The following NKAIN3 variants were observed in gnomAD, a reference collection of about 807,000 sequenced individuals.
NKAIN3 encodes sodium/potassium-transporting ATPase subunit beta-1-interacting protein 3.
A neutral mutation model predicts 30.2 loss-of-function variants in NKAIN3; 25 were observed. The observed-to-expected ratio is 0.83, with a 90% CI of 0.60 to 1.16. The LOEUF is 1.16. Among genes scored for constraint, NKAIN3 ranks in the 50% most tolerant of loss-of-function variants. NKAIN3 has a pLI of 0.00. For synonymous variants in NKAIN3, 91 were observed against 89.6 expected (o/e 1.02, Z -0.09); for missense variants, 225 against 254.1 (o/e 0.89, Z 0.78).
chr8:62,814,357 A>T (rs1818599883), intron 4 of NKAIN3, among the ~76,000 whole-genome samples: 2 of 151,822 alleles, frequency 1.3e-5, no homozygotes, highest in Non-Finnish European at 2.9e-5. Context: ...CTTTTTAAAC[A>T]TTAACAATTT....
chr8:62,993,057 T>C (rs1355185455), intron 5 of NKAIN3, among the ~76,000 whole-genome samples: 1 of 101,164 alleles, frequency 9.9e-6, no homozygotes, highest in Admixed American at 1.1e-4. Flanking sequence ...GTTTTGTTTT[T>C]TTGCCTCTAG....
At chr8:62,534,861 G>GTT (rs56262159) in intron 1 of NKAIN3, among the ~76,000 whole-genome samples, 6 of 148,544 alleles carry the variant, frequency 4.0e-5, no homozygotes, top group East Asian at 2.0e-4. Flanking sequence ...GCATTTATTG[G>GTT]TTTTTTTTTT....
At chr8:62,856,223 A>G (rs1820055362) in intron 4 of NKAIN3, 4 of 837,908 alleles carry the variant, frequency 4.8e-6, no homozygotes, top group South Asian at 4.0e-5. Context: ...CTTGGTTTTC[A>G]CTGGTTCATT....
At chr8:62,651,132 T>C (rs1812608861) in intron 3 of NKAIN3, among the ~76,000 whole-genome samples, 1 of 152,044 alleles carries the variant, frequency 6.6e-6, no homozygotes, top group South Asian at 2.1e-4. Context: ...AAAAAACTTC[T>C]TCGAAAAGAT....
intron 1 of NKAIN3, among the ~76,000 whole-genome samples, chr8:62,324,415 T>C (rs1056569103): frequency 4.6e-5 from 7 of 152,164 alleles, no homozygotes; most frequent in Admixed American, 3.3e-4. Flanking sequence ...ATAAAATCAT[T>C]TTATTACATA....
At chr8:62,390,577 G>A (rs55856936) in intron 1 of NKAIN3, among the ~76,000 whole-genome samples, 5,111 of 152,224 alleles carry the variant, frequency 0.034, 328 homozygotes, top group African/African-American at 0.12. Flanking sequence ...GGATTGCTGG[G>A]TTGAATGGTG....
intron 3 of NKAIN3, among the ~76,000 whole-genome samples, chr8:62,694,457 A>G (rs1814090371): frequency 6.6e-6 from 1 of 152,236 alleles, no homozygotes; most frequent in African/African-American, 2.4e-5. Flanking sequence ...CATTCATAGA[A>G]GACAAATACC....
intron 1 of NKAIN3, among the ~76,000 whole-genome samples, chr8:62,418,049 C>T (rs1168837193): frequency 1.3e-5 from 2 of 152,176 alleles, no homozygotes; most frequent in Non-Finnish European, 2.9e-5. Flanking sequence ...AAGTGCTTCA[C>T]ACCTCACTCA....
intron 4 of NKAIN3, among the ~76,000 whole-genome samples, chr8:62,890,546 C>G (rs1365696032): frequency 6.6e-6 from 1 of 152,186 alleles, no homozygotes; most frequent in Non-Finnish European, 1.5e-5. Flanking sequence ...ACTTTATTTT[C>G]CTCTGTGCTC....
chr8:62,953,981 A>G lies in NKAIN3; in HGVS notation c.603+9A>G. ...TAAAGCCTGTTAAACCAGTAAGTAA[A>G]GGTGTGATGATATGGAAAATATTAA... On this transcript the variant is annotated intron_variant, in intron 6 of 6. Coordinates refer to ENST00000623646, the MANE Select transcript of NKAIN3 (RefSeq NM_001304533.3). The G allele has an allele frequency of 1.1e-6, 1 of 945,340 alleles. No homozygotes were observed. The highest frequency in any genetic ancestry group is 1.3e-6 in the Non-Finnish European group (1 of 792,974). The allele number at this position is 945,340 out of a possible 1,614,324, so 58.6% of individuals were successfully genotyped here.
chr8:62,895,115 A>G (rs1465929459), intron 4 of NKAIN3, among the ~76,000 whole-genome samples: 3 of 152,240 alleles, frequency 2.0e-5, no homozygotes, highest in Admixed American at 2.0e-4. Flanking sequence ...GGAAGAAGGG[A>G]TATTGAATAG....
Position 62,595,044 on chromosome 8 carries a change from T to A in NKAIN3, c.273+5250T>A, listed in dbSNP as rs74565422. ...CCAGTTTATTCTCATTCTGCTGTGTTTCCATGGTTTTTCTCTCCTGTTTTT... is the reference window on the plus strand; with the variant it reads ...CCAGTTTATTCTCATTCTGCTGTGTATCCATGGTTTTTCTCTCCTGTTTTT... On this transcript the variant is annotated intron_variant, in intron 3 of 6. Transcript: ENST00000623646. Among the ~76,000 whole-genome samples, 661 of 152,148 alleles carry A rather than the reference T, an allele frequency of 4.3e-3. 5 individuals carry two copies. Among genetic ancestry groups the A allele is most frequent in the African/African-American group, 0.015 (638 of 41,554 alleles).
chr8:62,579,223 A>G (rs952966595), intron 1 of NKAIN3, among the ~76,000 whole-genome samples: 1 of 152,032 alleles, frequency 6.6e-6, no homozygotes, highest in African/African-American at 2.4e-5. Context: ...AAAAATAACA[A>G]TGATAAACTT....
At chr8:62,467,344 G>A (rs1806192735) in intron 1 of NKAIN3, among the ~76,000 whole-genome samples, 1 of 152,088 alleles carries the variant, frequency 6.6e-6, no homozygotes. Flanking sequence ...AGAATTTTGT[G>A]GCAATGAAAT....
At chr8:62,712,958 A>C (rs896517746) in intron 3 of NKAIN3, among the ~76,000 whole-genome samples, 1 of 152,128 alleles carries the variant, frequency 6.6e-6, no homozygotes, top group African/African-American at 2.4e-5. Flanking sequence ...ACTCGGCTCC[A>C]AGTAAAGTCG....
At chr8:62,347,332 G>A (rs1816035410) in intron 1 of NKAIN3, among the ~76,000 whole-genome samples, 1 of 152,148 alleles carries the variant, frequency 6.6e-6, no homozygotes, top group Non-Finnish European at 1.5e-5. Context: ...AAAAGTTGCA[G>A]TAGAGAGAAA....
chr8:62,435,364 G>A (rs1461224450), intron 1 of NKAIN3, among the ~76,000 whole-genome samples: 4 of 152,052 alleles, frequency 2.6e-5, no homozygotes, highest in Non-Finnish European at 5.9e-5. Flanking sequence ...ATGAGCTTCC[G>A]TGTACTCTTA....
At chr8:62,444,827 A>G (rs1382440514) in intron 1 of NKAIN3, among the ~76,000 whole-genome samples, 2 of 152,162 alleles carry the variant, frequency 1.3e-5, no homozygotes, top group African/African-American at 4.8e-5. Context: ...AACCCCCACA[A>G]TGTACTAGTG....
chr8:62,685,620 G>A (rs1813775617), intron 3 of NKAIN3, among the ~76,000 whole-genome samples: 1 of 152,080 alleles, frequency 6.6e-6, no homozygotes, highest in African/African-American at 2.4e-5. Flanking sequence ...TTTTATTTTT[G>A]TCTAAGCTTC....
Sources: gnomAD v4.1 joint callset for allele counts (sites outside exome capture counted in the v4.1 genomes callset) on GRCh38, gnomAD v4.1.1 for gene constraint, MANE v1.5 for transcripts, NCBI Gene and HGNC (gene_info 2026-07-23, HGNC 2026-07-21) for gene names.